The following POLQ variants were observed in gnomAD, a reference collection of about 807,000 sequenced individuals.
POLQ encodes epididymis secretory sperm binding protein.
In POLQ, 233 loss-of-function variants were observed where a neutral mutation model predicts 259.2. The observed-to-expected ratio is 0.90, with a 90% CI of 0.81 to 1.00. The LOEUF (loss-of-function observed/expected upper bound fraction) is 1.00. POLQ is among the 50% of genes least tolerant of loss of function. The pLI is 0.00. For missense variants in POLQ, 2,871 were observed against 3,051.6 expected (o/e 0.94, Z 1.39); for synonymous variants, 1,025 against 1,048.8 (o/e 0.98, Z 0.44).
At chr3:121,516,570 G>C (rs1470494478) in intron 9 of POLQ, among the ~76,000 whole-genome samples, 1 of 152,140 alleles carries the variant, frequency 6.6e-6, no homozygotes, top group African/African-American at 2.4e-5. Flanking sequence ...CATCACAAGA[G>C]GGAAGTTGAA....
intron 28 of POLQ, among the ~76,000 whole-genome samples, chr3:121,434,031 C>G (rs1427347114): frequency 6.6e-6 from 1 of 152,346 alleles, no homozygotes; most frequent in South Asian, 2.1e-4. Context: ...CCTCTGTTCA[C>G]CTGTTCAGCT....
intron 2 of POLQ, 95 bp downstream of exon 2, chr3:121,544,632 T>G: frequency 1.4e-6 from 1 of 735,302 alleles, no homozygotes; most frequent in South Asian, 1.7e-5. Flanking sequence ...AAGCACTGCC[T>G]CATTCACCTT....
Position 121,533,010 on chromosome 3 carries a change from C to G in POLQ, c.940G>C (p.Glu314Gln), listed in dbSNP as rs369515439. The change falls in exon 6 of 30, where the codon GAG becomes CAG. Residue 314 changes from glutamate (E) to glutamine (Q), a missense_variant. Transcript: ENST00000264233. ...DSSMKLVREF[E>Q]PMLQVKGDED... ...TTTACCTTCACTTGTAGCATGGGCT[C>G]AAATTCCCTCACAAGTTTCATTGAA... is the stretch of plus-strand genomic sequence containing the variant. The G allele has an allele frequency of 3.1e-6, 5 of 1,609,824 alleles. No homozygotes were observed. Among genetic ancestry groups the G allele is most frequent in the African/African-American group, 2.7e-5 (2 of 74,916 alleles).
intron 27 of POLQ, among the ~76,000 whole-genome samples, chr3:121,437,931 A>G (rs2047557569): frequency 6.6e-6 from 1 of 152,212 alleles, no homozygotes; most frequent in South Asian, 2.1e-4. Context: ...AAAAAAATGC[A>G]AAACAAAACT....
Position 121,498,468 on chromosome 3 carries a change from G to C in POLQ, c.2153+9C>G. 6.2e-7 allele frequency: 1 copy of C among 1,607,838 alleles called. No homozygotes were observed. The highest frequency in any genetic ancestry group is 8.5e-7 in the Non-Finnish European group (1 of 1,175,072). ...AAATACCGGAGAGCCCAGAGACCTT[G>C]ACGTTTACCTTTTATGGATGGCCAT... On this transcript the variant is annotated intron_variant, in intron 13 of 29. Coordinates refer to ENST00000264233, the MANE Select transcript of POLQ (RefSeq NM_199420.4).
intron 22 of POLQ, among the ~76,000 whole-genome samples, chr3:121,470,667 G>C (rs1018538683): frequency 3.9e-5 from 6 of 152,186 alleles, no homozygotes; most frequent in Non-Finnish European, 7.3e-5. Flanking sequence ...CTGAAGTGCA[G>C]TGGCTCAATC....
chr3:121,457,330 A>T (rs1340481033), intron 25 of POLQ, among the ~76,000 whole-genome samples: 1 of 152,206 alleles, frequency 6.6e-6, no homozygotes, highest in African/African-American at 2.4e-5. Context: ...ATGGGCAAGG[A>T]CTTCATGTCT....
At position 121,490,365 on chromosome 3, in the gene POLQ, G is replaced by T. The variant is rs200486636; in HGVS notation, c.2566C>A (p.Arg856Ser). The change falls in exon 16 of 30, where the codon CGT becomes AGT. Residue 856 changes from arginine (R) to serine (S), a missense_variant. This residue lies in a region of POLQ where 2,080 missense variants were observed against 2,126.0 expected (regional missense o/e 0.98). Coordinates refer to ENST00000264233, the MANE Select transcript of POLQ (RefSeq NM_199420.4). ...VDEEEEAVEERRNMRTIWVTG... is the reference protein window; with the variant it reads ...VDEEEEAVEESRNMRTIWVTG... ...ACCCAGATAGTTCGCATATTGCGAC[G>T]TTCTTCAACTGCTTCCTCTTCCTCA... is the stretch of plus-strand genomic sequence containing the variant. 2 of 1,614,212 alleles carry T rather than the reference G, an allele frequency of 1.2e-6. No individual in the cohort carries two copies. The highest frequency in any genetic ancestry group is 1.7e-6 in the Non-Finnish European group (2 of 1,180,028).
chr3:121,433,227 C>G (rs1350503860), intron 28 of POLQ, among the ~76,000 whole-genome samples, 194 bp from the exon 29 acceptor site: 1 of 152,150 alleles, frequency 6.6e-6, no homozygotes, highest in Non-Finnish European at 1.5e-5. Context: ...CAAACTTCCT[C>G]CTAGAAAGAA....
chr3:121,544,261 G>A (rs929325174), intron 2 of POLQ, among the ~76,000 whole-genome samples: 1 of 152,078 alleles, frequency 6.6e-6, no homozygotes, highest in Non-Finnish European at 1.5e-5. Context: ...GCTGAGGCAG[G>A]AGAATCACTT....
intron 11 of POLQ, among the ~76,000 whole-genome samples, 163 bp downstream of exon 11, chr3:121,509,876 T>G (rs1441835517): frequency 6.6e-6 from 1 of 152,252 alleles, no homozygotes; most frequent in Non-Finnish European, 1.5e-5. Flanking sequence ...GGTCTGAAGT[T>G]GCTAAATACA....
Position 121,544,911 on chromosome 3 carries a change from T to G in POLQ, c.164-5A>C. On this transcript the variant is annotated splice_region_variant and splice_polypyrimidine_tract_variant and intron_variant, in intron 1 of 29. Coordinates refer to ENST00000264233, the MANE Select transcript of POLQ (RefSeq NM_199420.4). ...GAACTGTAGGCTTGCATTCTCCTTT[T>G]AGGAAAAAGAAAAAATTAAAATTTA... The G allele has an allele frequency of 6.4e-7, 1 of 1,560,112 alleles. No homozygotes were observed.
intron 7 of POLQ, among the ~76,000 whole-genome samples, chr3:121,527,132 C>A (rs912355621): frequency 6.6e-6 from 1 of 152,150 alleles, no homozygotes; most frequent in Non-Finnish European, 1.5e-5. Flanking sequence ...ACGATCTCGG[C>A]TCACTGCAAC....
At chr3:121,463,885 G>C (rs2047813849) in intron 24 of POLQ, among the ~76,000 whole-genome samples, 1 of 152,066 alleles carries the variant, frequency 6.6e-6, no homozygotes. Context: ...TTACAATACA[G>C]TTAAAATTAT....
chr3:121,483,969 G>A (rs997545081), intron 17 of POLQ, among the ~76,000 whole-genome samples: 1 of 152,010 alleles, frequency 6.6e-6, no homozygotes, highest in Non-Finnish European at 1.5e-5. Context: ...TAAAAAAAAA[G>A]CTTAAGTAAC....
At position 121,529,685 on chromosome 3, in the gene POLQ, G is replaced by T; in HGVS notation, c.1068C>A (p.Ile356=). 6.2e-7 allele frequency: 1 copy of T among 1,613,474 alleles called. No homozygotes were observed. The change falls in exon 7 of 30, where the codon ATC becomes ATA. Residue 356 remains isoleucine, a synonymous_variant. Coordinates refer to ENST00000264233, the MANE Select transcript of POLQ (RefSeq NM_199420.4). Reference sequence around the variant, plus strand: ...GTAGATTATAAAACTCTCGAGCAATGATATCTGCCAGCTTCTCACACCATT... The same window carrying T: ...GTAGATTATAAAACTCTCGAGCAATTATATCTGCCAGCTTCTCACACCATT... The part of the protein sequence containing the change: ...SKKWCEKLAD[I]IAREFYNLHH...
At chr3:121,494,218 G>C in intron 14 of POLQ, 1 of 1,486,312 alleles carries the variant, frequency 6.7e-7, no homozygotes. Context: ...AAAGGCCTAA[G>C]AATTTTGGCA....
intron 17 of POLQ, among the ~76,000 whole-genome samples, chr3:121,483,796 G>T (rs2047989428): frequency 6.6e-6 from 1 of 151,952 alleles, no homozygotes; most frequent in Admixed American, 6.6e-5. Context: ...TGGGCTAGAA[G>T]ATTTTTAATG....
At chr3:121,442,947 C>A (rs2047605862) in intron 26 of POLQ, among the ~76,000 whole-genome samples, 1 of 152,150 alleles carries the variant, frequency 6.6e-6, no homozygotes, top group African/African-American at 2.4e-5. Context: ...GCAACCTCTG[C>A]CTCCCGGTTC....
Sources: allele counts gnomAD v4.1 joint callset (sites outside exome capture counted in the v4.1 genomes callset), GRCh38; gene constraint gnomAD v4.1.1; regional missense constraint gnomAD v4.1.1; transcripts MANE v1.5; gene names NCBI Gene and HGNC (gene_info 2026-07-23, HGNC 2026-07-21).